The following HS3ST5 variants were observed in gnomAD, a reference collection of about 807,000 sequenced individuals.
HS3ST5 encodes heparan sulfate glucosamine 3-O-sulfotransferase 5.
In HS3ST5, 10 loss-of-function variants were observed where a neutral mutation model predicts 25.4. The ratio of observed to expected loss-of-function variants is 0.39; its 90% CI spans 0.24 to 0.67. The LOEUF (loss-of-function observed/expected upper bound fraction) is 0.67, where lower values mean the gene tolerates loss of function less well. HS3ST5 is among the 30% of genes least tolerant of loss of function. The pLI, the probability that HS3ST5 is intolerant of heterozygous loss-of-function variation, is 0.44. For synonymous variants in HS3ST5, 170 were observed against 162.4 expected, an observed-to-expected ratio of 1.05 and a Z score of -0.36; for missense variants, 324 against 420.7, an observed-to-expected ratio of 0.77 and a Z score of 2.01.
chr6:114,192,822 AAT>A (rs1347665428), intron 2 of HS3ST5, among the ~76,000 whole-genome samples: 1 of 152,186 alleles, frequency 6.6e-6, no homozygotes, highest in Non-Finnish European at 1.5e-5. Flanking sequence ...CGTCAGTCAA[AAT>A]ATATATAGAC....
At chr6:114,314,039 C>T (rs1775651056) in intron 1 of HS3ST5, among the ~76,000 whole-genome samples, 1 of 152,186 alleles carries the variant, frequency 6.6e-6, no homozygotes, top group African/African-American at 2.4e-5. Flanking sequence ...GATTCTCATG[C>T]CTCAGTCTCC....
chr6:114,279,470 T>C (rs1774007707), intron 1 of HS3ST5, among the ~76,000 whole-genome samples: 1 of 152,088 alleles, frequency 6.6e-6, no homozygotes, highest in Non-Finnish European at 1.5e-5. Context: ...GTTCTAAATC[T>C]AGACCATGCG....
intron 3 of HS3ST5, among the ~76,000 whole-genome samples, chr6:114,099,104 A>G (rs13214829): frequency 0.26 from 40,203 of 152,082 alleles, 5,587 homozygotes; most frequent in African/African-American, 0.34. Flanking sequence ...AGTCAGCGCT[A>G]GTCTTCCATG....
chr6:114,065,837 G>A (rs370705543), intron 3 of HS3ST5, among the ~76,000 whole-genome samples: 1 of 152,194 alleles, frequency 6.6e-6, no homozygotes, highest in Admixed American at 6.5e-5. Context: ...TCAGAGGAAG[G>A]CTAGGGAAGT....
intron 2 of HS3ST5, among the ~76,000 whole-genome samples, chr6:114,171,963 C>A (rs1164722011): frequency 6.6e-6 from 1 of 152,160 alleles, no homozygotes; most frequent in East Asian, 1.9e-4. Context: ...ATGCAGAATT[C>A]TCTAATATTT....
At chr6:114,260,296 G>T (rs6901267) in intron 1 of HS3ST5, among the ~76,000 whole-genome samples, 1 of 151,816 alleles carries the variant, frequency 6.6e-6, no homozygotes, top group African/African-American at 2.4e-5. Flanking sequence ...TGGATTTTTT[G>T]AAACTAATTT....
intron 2 of HS3ST5, among the ~76,000 whole-genome samples, chr6:114,176,098 C>A (rs151200227): frequency 6.6e-6 from 1 of 152,182 alleles, no homozygotes; most frequent in Non-Finnish European, 1.5e-5. Flanking sequence ...AGTGTATAGT[C>A]TCCATCAATA....
intron 1 of HS3ST5, among the ~76,000 whole-genome samples, chr6:114,283,693 C>T (rs1377743385): frequency 6.6e-6 from 1 of 151,816 alleles, no homozygotes; most frequent in Non-Finnish European, 1.5e-5. Flanking sequence ...AAGAAAACGA[C>T]AGGGAAGAAA....
intron 2 of HS3ST5, among the ~76,000 whole-genome samples, chr6:114,200,088 G>A (rs747915711): frequency 1.3e-5 from 2 of 152,132 alleles, no homozygotes; most frequent in African/African-American, 4.8e-5. Flanking sequence ...GTGGTAGCAC[G>A]TGCCTGTAAT....
chr6:114,213,063 T>C (rs999911008), intron 2 of HS3ST5, among the ~76,000 whole-genome samples: 1 of 152,028 alleles, frequency 6.6e-6, no homozygotes, highest in Non-Finnish European at 1.5e-5. Context: ...ATGCAGAGGA[T>C]TTTATTGCCG....
intron 2 of HS3ST5, among the ~76,000 whole-genome samples, chr6:114,220,285 A>G (rs1229641164): frequency 6.6e-6 from 1 of 152,094 alleles, no homozygotes; most frequent in Admixed American, 6.6e-5. Flanking sequence ...TTTGAAAATA[A>G]CTGATGTTGC....
At chr6:114,264,854 CA>C (rs1204275047) in intron 1 of HS3ST5, among the ~76,000 whole-genome samples, 1 of 152,070 alleles carries the variant, frequency 6.6e-6, no homozygotes, top group African/African-American at 2.4e-5. Context: ...GATAAGAAGT[CA>C]GCAAAGAATA....
intron 1 of HS3ST5, among the ~76,000 whole-genome samples, chr6:114,256,435 C>T (rs1772928905): frequency 6.6e-6 from 1 of 152,030 alleles, no homozygotes; most frequent in Middle Eastern, 3.2e-3. Flanking sequence ...TAACAGCACC[C>T]AGCACCCAAG....
chr6:114,088,302 A>G (rs1204687597), intron 3 of HS3ST5, among the ~76,000 whole-genome samples: 1 of 151,916 alleles, frequency 6.6e-6, no homozygotes, highest in Non-Finnish European at 1.5e-5. Context: ...CACATCCCAC[A>G]TATGAAATGT....
chr6:114,271,893 A>G (rs1023335384), intron 1 of HS3ST5, among the ~76,000 whole-genome samples: 4 of 151,974 alleles, frequency 2.6e-5, no homozygotes, highest in African/African-American at 9.7e-5. Context: ...TGGCCCACTA[A>G]GTCCTCCTTC....
intron 1 of HS3ST5, among the ~76,000 whole-genome samples, chr6:114,332,317 C>A (rs1166349650): frequency 2.0e-5 from 3 of 152,080 alleles, no homozygotes; most frequent in Non-Finnish European, 4.4e-5. Context: ...CCTCACTATG[C>A]GTTTTCTCCA....
intron 1 of HS3ST5, among the ~76,000 whole-genome samples, chr6:114,285,545 G>A (rs1454231575): frequency 6.6e-6 from 1 of 152,020 alleles, no homozygotes; most frequent in African/African-American, 2.4e-5. Context: ...GAACCTTGAA[G>A]ACATTGTGCT....
chr6:114,267,142 T>C (rs558261185), intron 1 of HS3ST5, among the ~76,000 whole-genome samples: 29 of 152,234 alleles, frequency 1.9e-4, no homozygotes, highest in Middle Eastern at 3.4e-3. Context: ...AAAAATCAAA[T>C]AACTAAAGAT....
chr6:114,057,368 C>T lies in HS3ST5; in HGVS notation c.930G>A (p.Gly310=), dbSNP rs1320329254. The T allele has an allele frequency of 1.2e-6, 2 of 1,613,948 alleles. No individual in the cohort carries two copies. Among genetic ancestry groups the T allele is most frequent in the East Asian group, 4.5e-5 (2 of 44,876 alleles). ...IFNKCLAGSK[G]RIHPEVDPSV... is the part of the protein sequence containing the mutation. ...AGGGGTCCACCTCTGGATGAATGCG[C>T]CCCTTGCTGCCCGCCAGGCACTTAT... Residue 310 remains glycine, a synonymous_variant, in exon 5 of 5, where the codon GGG becomes GGA. Coordinates refer to ENST00000312719, the MANE Select transcript of HS3ST5 (RefSeq NM_153612.4).
Sources: gnomAD v4.1 joint callset for allele counts (sites outside exome capture counted in the v4.1 genomes callset) on GRCh38, gnomAD v4.1.1 for gene constraint, MANE v1.5 for transcripts, NCBI Gene and HGNC (gene_info 2026-07-23, HGNC 2026-07-21) for gene names.